CSMD1: variants seen among roughly 807,000 people sequenced by gnomAD.
CSMD1 encodes CUB and Sushi multiple domains 1.
CSMD1 carries 213 observed loss-of-function variants against 417.5 expected under a neutral mutation model. The observed-to-expected ratio is 0.51, with a 90% CI of 0.46 to 0.57. The LOEUF is 0.57. Among genes scored for constraint, CSMD1 ranks in the 20% least tolerant of loss-of-function variants. The probability of loss-of-function intolerance (pLI) is 0.00; values close to 1 mark genes in which losing one functional copy is unlikely to be tolerated. For missense variants in CSMD1, 6,923 were observed against 4,529.7 expected, an observed-to-expected ratio of 1.53 and a Z score of -15.17; for synonymous variants, 2,862 against 1,736.8, an observed-to-expected ratio of 1.65 and a Z score of -16.11.
At chr8:3,302,250 T>G (rs1441735622) in intron 25 of CSMD1, among the ~76,000 whole-genome samples, 1 of 152,220 alleles carries the variant, frequency 6.6e-6, no homozygotes, top group Non-Finnish European at 1.5e-5. Flanking sequence ...TTATCTCTTG[T>G]GCTTTTCAGA....
chr8:3,300,359 G>C (rs62504387), intron 25 of CSMD1, among the ~76,000 whole-genome samples: 17 of 119,632 alleles, frequency 1.4e-4, no homozygotes, highest in East Asian at 8.0e-4. Flanking sequence ...CTACATTTAG[G>C]GGTTTTTTTT....
Position 3,772,358 on chromosome 8 carries a change from TATATAC to T in CSMD1, c.819-18322_819-18317del, listed in dbSNP as rs1563064043. Reference sequence around the variant, plus strand: ...AGACATACATATATACATATATTTATATATACATATATACATATATTCATATATTTA... The same window carrying T: ...AGACATACATATATACATATATTTATATATATACATATATTCATATATTTA... On this transcript the variant is annotated intron_variant, in intron 5 of 69. Coordinates refer to ENST00000635120, the MANE Select transcript of CSMD1 (RefSeq NM_033225.6). Among the ~76,000 whole-genome samples, 41 of 64,064 alleles carry T rather than the reference TATATAC, an allele frequency of 6.4e-4. 1 individual carries two copies. The highest frequency in any genetic ancestry group is 2.0e-3 in the African/African-American group (41 of 20,624). 42.0% of individuals were successfully genotyped at this position (64,064 alleles called of 152,430 possible). A position where few individuals can be genotyped will look rare whatever the true frequency, so the allele number is the denominator to read the frequency against.
intron 6 of CSMD1, among the ~76,000 whole-genome samples, chr8:3,712,567 G>A (rs1050590117): frequency 1.3e-5 from 2 of 152,074 alleles, no homozygotes; most frequent in African/African-American, 2.4e-5. Flanking sequence ...TCAGATCTTC[G>A]AATGAATGAT....
At chr8:4,554,029 G>C (rs1302109761) in intron 2 of CSMD1, among the ~76,000 whole-genome samples, 1 of 152,170 alleles carries the variant, frequency 6.6e-6, no homozygotes, top group African/African-American at 2.4e-5. Flanking sequence ...TAACCGCCCA[G>C]TGTTCCACAT....
intron 3 of CSMD1, among the ~76,000 whole-genome samples, chr8:4,148,495 G>C (rs1796397394): frequency 6.6e-6 from 1 of 151,270 alleles, no homozygotes; most frequent in African/African-American, 2.4e-5. Flanking sequence ...TTGTGCACAT[G>C]TACCCTAAAA....
At chr8:4,855,285 A>G (rs556500901) in intron 1 of CSMD1, among the ~76,000 whole-genome samples, 1 of 151,868 alleles carries the variant, frequency 6.6e-6, no homozygotes, top group Non-Finnish European at 1.5e-5. Context: ...ATCAAAGACC[A>G]AAAGTAGATA....
intron 4 of CSMD1, among the ~76,000 whole-genome samples, chr8:4,014,897 G>C (rs1585134634): frequency 6.6e-6 from 1 of 152,272 alleles, no homozygotes; most frequent in South Asian, 2.1e-4. Flanking sequence ...ATAATGGGCA[G>C]AGCCACTTCT....
intron 5 of CSMD1, among the ~76,000 whole-genome samples, chr8:3,887,394 G>C (rs1015318560): frequency 1.3e-5 from 2 of 152,146 alleles, no homozygotes; most frequent in Admixed American, 6.5e-5. Context: ...CCAAGAACAA[G>C]TTACCTTCTA....
At chr8:4,662,063 T>C (rs1319160423) in intron 1 of CSMD1, among the ~76,000 whole-genome samples, 1 of 152,152 alleles carries the variant, frequency 6.6e-6, no homozygotes, top group East Asian at 1.9e-4. Flanking sequence ...TGTTGAGACA[T>C]TATATTAAGA....
intron 1 of CSMD1, among the ~76,000 whole-genome samples, chr8:4,786,259 T>C (rs1797396597): frequency 6.6e-6 from 1 of 152,234 alleles, no homozygotes; most frequent in Non-Finnish European, 1.5e-5. Flanking sequence ...CATTTAGGAC[T>C]ATTTTTTCTT....
At chr8:3,380,632 C>T (rs905408735) in intron 18 of CSMD1, among the ~76,000 whole-genome samples, 2 of 152,054 alleles carry the variant, frequency 1.3e-5, no homozygotes, top group Admixed American at 6.6e-5. Flanking sequence ...GGTAGACTAA[C>T]ATAGGAATAC....
At chr8:4,386,322 ACCTTCCGTCCTCGGTTATG>A (rs1475063668) in intron 3 of CSMD1, among the ~76,000 whole-genome samples, 112 of 149,384 alleles carry the variant, frequency 7.5e-4, no homozygotes, top group African/African-American at 2.3e-3. Context: ...ACATTCTCCT[ACCTTCCGTCCTCGGTTATG>A]ACTTCCATCC....
intron 3 of CSMD1, among the ~76,000 whole-genome samples, chr8:4,148,148 G>C (rs1714820): frequency 2.6e-5 from 4 of 152,080 alleles, no homozygotes; most frequent in South Asian, 4.1e-4. Context: ...GCTCAACTTA[G>C]AGTCAATAAC....
chr8:4,833,027 A>G (rs1800244500), intron 1 of CSMD1, among the ~76,000 whole-genome samples: 1 of 152,188 alleles, frequency 6.6e-6, no homozygotes, highest in South Asian at 2.1e-4. Flanking sequence ...CATCACTTCA[A>G]TAGCTTACAT....
At chr8:3,734,439 G>A (rs769098500) in intron 6 of CSMD1, among the ~76,000 whole-genome samples, 11 of 152,310 alleles carry the variant, frequency 7.2e-5, no homozygotes, top group African/African-American at 1.9e-4. Context: ...TGCCAGGTGC[G>A]ATGGCTCACG....
chr8:2,997,597 G>C (rs1807021569), intron 54 of CSMD1, among the ~76,000 whole-genome samples: 1 of 152,126 alleles, frequency 6.6e-6, no homozygotes, highest in Non-Finnish European at 1.5e-5. Context: ...TTTAGCAGAG[G>C]TCTCTGTGAC....
At chr8:3,494,665 AC>A (rs1796292818) in intron 10 of CSMD1, among the ~76,000 whole-genome samples, 3 of 145,444 alleles carry the variant, frequency 2.1e-5, no homozygotes, top group Non-Finnish European at 4.5e-5. Context: ...TGGAAAAATG[AC>A]AGACGATACA....
intron 25 of CSMD1, among the ~76,000 whole-genome samples, chr8:3,294,649 G>A (rs144759033): frequency 1.8e-4 from 28 of 152,288 alleles, no homozygotes; most frequent in Non-Finnish European, 2.8e-4. Context: ...CTGGTGTGCC[G>A]TTTGCTAAGA....
At chr8:4,138,012 C>G (rs559024472) in intron 3 of CSMD1, among the ~76,000 whole-genome samples, 40,605 of 140,566 alleles carry the variant, frequency 0.29, 7,193 homozygotes, top group Non-Finnish European at 0.38. Flanking sequence ...AGAGTAGCTG[C>G]GACTAGAGGC....
Sources: gnomAD v4.1 joint callset for allele counts (sites outside exome capture counted in the v4.1 genomes callset) on GRCh38, gnomAD v4.1.1 for gene constraint, MANE v1.5 for transcripts, NCBI Gene and HGNC (gene_info 2026-07-23, HGNC 2026-07-21) for gene names.